CACNG7: variants seen among roughly 807,000 people sequenced by gnomAD.
CACNG7 encodes the protein voltage-dependent calcium channel gamma-7 subunit.
A neutral mutation model predicts 26.3 loss-of-function variants in CACNG7; 9 were observed. The ratio of observed to expected loss-of-function variants is 0.34; its 90% CI spans 0.21 to 0.60. The LOEUF (loss-of-function observed/expected upper bound fraction) is 0.60, where lower values mean the gene tolerates loss of function less well. Among genes scored for constraint, CACNG7 ranks in the 20% least tolerant of loss-of-function variants. The pLI is 0.81. For synonymous variants in CACNG7, 170 were observed against 157.0 expected (o/e 1.08, Z -0.62); for missense variants, 297 against 380.4 (o/e 0.78, Z 1.82).
At chr19:53,913,217 C>T (rs1362026098) in intron 2 of CACNG7, among the ~76,000 whole-genome samples, 190 bp downstream of exon 2, 1 of 152,022 alleles carries the variant, frequency 6.6e-6, no homozygotes, top group African/African-American at 2.4e-5. Context: ...CCCCAATGCT[C>T]CAGGCCCCTA....
chr19:53,941,643 A>G (rs371164760), intron 5 of CACNG7, 28 bp downstream of exon 5: 32 of 1,600,566 alleles, frequency 2.0e-5, no homozygotes, highest in Middle Eastern at 3.3e-4. Context: ...TAGACTCTAG[A>G]GTTCTGAATG....
intron 4 of CACNG7, among the ~76,000 whole-genome samples, chr19:53,916,138 A>G (rs1347639447): frequency 6.6e-6 from 1 of 152,160 alleles, no homozygotes; most frequent in African/African-American, 2.4e-5. Flanking sequence ...TATTGTCTAG[A>G]TGCATTTCAG....
intron 4 of CACNG7, among the ~76,000 whole-genome samples, chr19:53,935,094 C>T (rs924386003): frequency 6.6e-6 from 1 of 151,708 alleles, no homozygotes; most frequent in Non-Finnish European, 1.5e-5. Flanking sequence ...TATATACACA[C>T]AAATATATGC....
intron 4 of CACNG7, among the ~76,000 whole-genome samples, chr19:53,926,209 A>G (rs754279164): frequency 1.3e-5 from 2 of 152,016 alleles, no homozygotes; most frequent in Non-Finnish European, 2.9e-5. Flanking sequence ...CTTAGAATAC[A>G]CCCAAATGCC....
chr19:53,923,880 C>T (rs2068993188), intron 4 of CACNG7, among the ~76,000 whole-genome samples: 1 of 128,418 alleles, frequency 7.8e-6, no homozygotes, highest in Non-Finnish European at 1.6e-5. Flanking sequence ...TGCCCCAGGC[C>T]TGGTCATTGG....
intron 4 of CACNG7, among the ~76,000 whole-genome samples, chr19:53,921,559 G>GC (rs2068952679): frequency 8.4e-6 from 1 of 118,952 alleles, no homozygotes; most frequent in Admixed American, 7.8e-5. Flanking sequence ...GTTGCCCCAG[G>GC]CTGGTCATTG....
intron 4 of CACNG7, among the ~76,000 whole-genome samples, chr19:53,931,083 C>G (rs562586472): frequency 6.6e-6 from 1 of 152,230 alleles, no homozygotes; most frequent in East Asian, 1.9e-4. Context: ...GCAGTCCCAG[C>G]TACTCAGGAG....
At chr19:53,933,072 C>A (rs2069083759) in intron 4 of CACNG7, among the ~76,000 whole-genome samples, 1 of 151,964 alleles carries the variant, frequency 6.6e-6, no homozygotes, top group South Asian at 2.1e-4. Context: ...TCCCAAAGTG[C>A]TGGGATTACA....
chr19:53,925,792 C>T (rs1209362276), intron 4 of CACNG7, among the ~76,000 whole-genome samples: 2 of 152,160 alleles, frequency 1.3e-5, no homozygotes, highest in African/African-American at 2.4e-5. Flanking sequence ...TGGCCCAGGC[C>T]GTAGCAGATA....
intron 4 of CACNG7, among the ~76,000 whole-genome samples, chr19:53,924,415 G>A (rs1461077072): frequency 1.4e-5 from 2 of 139,880 alleles, no homozygotes; most frequent in Non-Finnish European, 3.1e-5. Context: ...CATTGGTGGA[G>A]TTGCCCCAGG....
rs2069126814 is a variant in CACNG7, at chr19:53,939,821, A to G, written c.425-1649A>G. On this transcript the variant is annotated intron_variant, in intron 4 of 5. Coordinates refer to ENST00000391767, the MANE Select transcript of CACNG7 (RefSeq NM_031896.5). The surrounding 1 kb of genome is among the most constrained non-coding windows in gnomAD (Gnocchi z 4.2). The stretch of plus-strand genomic sequence containing the variant: ...AGTGGAATTGCTGGGTCATATGATA[A>G]TTCTATCTTTAACTTTTTGAGGCGC... Among the ~76,000 whole-genome samples, 1 of 152,176 alleles carries G rather than the reference A, an allele frequency of 6.6e-6. No individual in the cohort carries two copies.
chr19:53,922,575 GAGTTGTCCCAGGACTGGTCATTGGTGC>G, intron 4 of CACNG7, among the ~76,000 whole-genome samples: 1 of 85,858 alleles, frequency 1.2e-5, no homozygotes, highest in Non-Finnish European at 2.1e-5. Flanking sequence ...GTCATTGGTG[GAGTTGTCCCAGGACTGGTCATTGGTGC>G]AGTTGTCCCA....
chr19:53,930,795 G>A (rs2145915192), intron 4 of CACNG7, among the ~76,000 whole-genome samples: 1 of 152,278 alleles, frequency 6.6e-6, no homozygotes, highest in South Asian at 2.1e-4. Context: ...GTGAGCCACT[G>A]TGCCCGGCCC....
intron 4 of CACNG7, among the ~76,000 whole-genome samples, chr19:53,928,252 T>C (rs2145913300): frequency 6.7e-6 from 1 of 150,334 alleles, no homozygotes; most frequent in South Asian, 2.1e-4. Flanking sequence ...ATTCTGCTTA[T>C]GGAGATTGGT....
At position 53,917,058 on chromosome 19, in the gene CACNG7, G is replaced by A. The variant is rs376244305; in HGVS notation, c.424+1553G>A. Among the ~76,000 whole-genome samples, 52 of 151,382 alleles carry A rather than the reference G, an allele frequency of 3.4e-4. No individual in the cohort carries two copies. The East Asian group carries it at 9.6e-3, about 28-fold the overall frequency. ...AGTGATCCTCCTGCCTTAGCCTCCC[G>A]AAGTGCTGGGATTACAGGCATGAGC... On this transcript the variant is annotated intron_variant, in intron 4 of 5. Transcript: ENST00000391767.
intron 4 of CACNG7, among the ~76,000 whole-genome samples, chr19:53,917,428 A>G (rs1236660202): frequency 6.6e-6 from 1 of 152,098 alleles, no homozygotes; most frequent in African/African-American, 2.4e-5. Context: ...TTGAAAAGGG[A>G]TCCTCCAACT....
chr19:53,913,494 C>T (rs1316418901), intron 2 of CACNG7, among the ~76,000 whole-genome samples: 4 of 151,770 alleles, frequency 2.6e-5, no homozygotes, highest in African/African-American at 7.3e-5. Flanking sequence ...TGGTGGTGCA[C>T]CCCTGTAATC....
At chr19:53,924,263 C>G (rs1358109413) in intron 4 of CACNG7, among the ~76,000 whole-genome samples, 2 of 140,710 alleles carry the variant, frequency 1.4e-5, no homozygotes, top group Non-Finnish European at 3.0e-5. Flanking sequence ...TGCCCCAGGT[C>G]TGGTCATTGG....
At chr19:53,910,835 T>C (rs2068857555) in intron 1 of CACNG7, among the ~76,000 whole-genome samples, 1 of 152,116 alleles carries the variant, frequency 6.6e-6, no homozygotes, top group Non-Finnish European at 1.5e-5. Context: ...CGGGACTCCA[T>C]GCTGGATGTT....
Sources: allele counts gnomAD v4.1 joint callset (sites outside exome capture counted in the v4.1 genomes callset), GRCh38; gene constraint gnomAD v4.1.1; non-coding constraint Gnocchi (gnomAD v3.1); transcripts MANE v1.5; gene names NCBI Gene and HGNC (gene_info 2026-07-23, HGNC 2026-07-21).